ST3GAL3: variants seen among roughly 807,000 people sequenced by gnomAD.
The protein encoded by ST3GAL3 is CMP-N-acetylneuraminate-beta-1,4-galactoside alpha-2,3-sialyltransferase.
ST3GAL3 carries 21 observed loss-of-function variants against 50.1 expected under a neutral mutation model. That is an observed-to-expected ratio of 0.42 (90% CI 0.30 to 0.60). The LOEUF (loss-of-function observed/expected upper bound fraction) is 0.60, where lower values mean the gene tolerates loss of function less well. Ranked by LOEUF, ST3GAL3 falls within the 20% of genes least tolerant of loss-of-function variation. ST3GAL3 has a pLI of 0.19. For missense variants in ST3GAL3, 353 were observed against 489.4 expected (o/e 0.72, Z 2.63); for synonymous variants, 183 against 190.0 (o/e 0.96, Z 0.30).
intron 1 of ST3GAL3, among the ~76,000 whole-genome samples, chr1:43,726,583 G>A (rs1303601378): frequency 6.6e-6 from 1 of 151,724 alleles, no homozygotes; most frequent in Non-Finnish European, 1.5e-5. Flanking sequence ...TACTGTGCCT[G>A]GCCTATATCC....
chr1:43,708,481 T>G (rs1412349816), intron 1 of ST3GAL3, among the ~76,000 whole-genome samples: 1 of 152,132 alleles, frequency 6.6e-6, no homozygotes, highest in African/African-American at 2.4e-5. Flanking sequence ...TAGCTGGACA[T>G]TAAGGTAGGA....
intron 2 of ST3GAL3, among the ~76,000 whole-genome samples, chr1:43,766,992 T>G (rs1018432546): frequency 6.6e-5 from 10 of 152,154 alleles, no homozygotes; most frequent in African/African-American, 2.4e-4. Flanking sequence ...TTGTGTGGAA[T>G]GCAGAGTTTG....
intron 4 of ST3GAL3, chr1:43,824,690 T>C: frequency 1.2e-6 from 2 of 1,613,242 alleles, no homozygotes; most frequent in African/African-American, 1.3e-5. Flanking sequence ...CATCTTGAGC[T>C]ATGTGATCAA....
rs2084869989 is a variant in ST3GAL3 at position 43,930,430 on chromosome 1, A to G, written c.*209A>G. 8.1e-6 allele frequency: 5 copies of G among 620,282 alleles called. No homozygotes were observed. Among genetic ancestry groups the G allele is most frequent in the Non-Finnish European group, 1.5e-5 (5 of 343,848 alleles). The allele number at this position is 620,282 out of a possible 1,614,324, so 38.4% of individuals were successfully genotyped here. ...TCATTCAGCATGGGTCCTTGATGCCAGAGGGCCAGCAGGCTCCTGGCTGTG... is the reference window on the plus strand; with the variant it reads ...TCATTCAGCATGGGTCCTTGATGCCGGAGGGCCAGCAGGCTCCTGGCTGTG... On this transcript the variant is annotated 3_prime_UTR_variant, in exon 12 of 12. Coordinates refer to ENST00000347631, the MANE Select transcript of ST3GAL3 (RefSeq NM_006279.5).
chr1:43,850,707 T>C (rs1306634337), intron 5 of ST3GAL3: 1 of 735,748 alleles, frequency 1.4e-6, no homozygotes, highest in Non-Finnish European at 2.5e-6. Flanking sequence ...TGTGACTGTT[T>C]GGTAGCCCAG....
intron 5 of ST3GAL3, among the ~76,000 whole-genome samples, chr1:43,857,067 GCTAA>G (rs1386606810): frequency 2.0e-5 from 3 of 152,090 alleles, no homozygotes; most frequent in African/African-American, 2.4e-5. Context: ...GCCTCAACCT[GCTAA>G]CTGTTTCTGA....
intron 5 of ST3GAL3, among the ~76,000 whole-genome samples, chr1:43,865,721 G>A (rs1044745189): frequency 2.0e-5 from 3 of 152,182 alleles, no homozygotes; most frequent in Non-Finnish European, 1.5e-5. Flanking sequence ...TAGATCACTG[G>A]GCTTTACTCC....
chr1:43,746,030 G>A (rs1366965156), intron 2 of ST3GAL3, among the ~76,000 whole-genome samples: 3 of 152,198 alleles, frequency 2.0e-5, no homozygotes, highest in Admixed American at 6.5e-5. Flanking sequence ...GCACAATGAC[G>A]AAATTGCCTA....
intron 5 of ST3GAL3, among the ~76,000 whole-genome samples, chr1:43,871,138 G>A (rs557945254): frequency 1.3e-5 from 2 of 152,314 alleles, no homozygotes; most frequent in South Asian, 2.1e-4. Flanking sequence ...GCCATGGCCC[G>A]AATGAGCAGC....
At chr1:43,800,772 G>T (rs1218139936) in intron 3 of ST3GAL3, among the ~76,000 whole-genome samples, 5 of 152,152 alleles carry the variant, frequency 3.3e-5, no homozygotes, top group Admixed American at 3.3e-4. Context: ...ATAAATAGTA[G>T]TTCCTCTCAG....
intron 5 of ST3GAL3, chr1:43,879,633 C>A: frequency 3.0e-6 from 1 of 330,954 alleles, no homozygotes; most frequent in South Asian, 2.4e-5. Context: ...ATCCAGTTGG[C>A]AAGAGAGAGA....
intron 11 of ST3GAL3, among the ~76,000 whole-genome samples, chr1:43,924,628 T>C (rs1375690545): frequency 1.3e-5 from 2 of 151,926 alleles, no homozygotes; most frequent in African/African-American, 2.4e-5. Flanking sequence ...TAGTTGGGAG[T>C]TGCTGCACTT....
At position 43,838,259 on chromosome 1, in the gene ST3GAL3, G is replaced by A. The variant is rs1424769358; in HGVS notation, c.250G>A (p.Gly84Arg). The A allele has an allele frequency of 1.2e-6, 2 of 1,613,844 alleles. No homozygotes were observed. Among genetic ancestry groups the A allele is most frequent in the African/African-American group, 2.7e-5 (2 of 74,878 alleles). Residue 84 changes from glycine (G) to arginine (R), a missense_variant, in exon 5 of 12, where the codon GGA becomes AGA. Transcript: ENST00000347631. ...CACCAAGTACGCAAACTTTTCAGAG[G>A]GAGCTTGCAAGCCTGGCTATGCTTC... ...LATKYANFSE[G>R]ACKPGYASAL...
At chr1:43,892,636 A>G (rs548643317) in intron 5 of ST3GAL3, among the ~76,000 whole-genome samples, 2 of 152,350 alleles carry the variant, frequency 1.3e-5, no homozygotes, top group Non-Finnish European at 1.5e-5. Flanking sequence ...CAATCATCTG[A>G]ATAAAAAGAA....
chr1:43,882,878 G>T (rs945667345), intron 5 of ST3GAL3, among the ~76,000 whole-genome samples: 1 of 152,230 alleles, frequency 6.6e-6, no homozygotes, highest in East Asian at 1.9e-4. Context: ...AGCCCCCAGC[G>T]TCCAAATATG....
chr1:43,865,650 A>G (rs2071151707), intron 5 of ST3GAL3, among the ~76,000 whole-genome samples: 2 of 152,190 alleles, frequency 1.3e-5, no homozygotes, highest in South Asian at 4.1e-4. Flanking sequence ...GGGTGCCACA[A>G]ATACACAGAA....
intron 7 of ST3GAL3, 34 bp downstream of exon 7, chr1:43,898,332 G>A (rs375132302): frequency 1.3e-4 from 215 of 1,608,148 alleles, no homozygotes; most frequent in Non-Finnish European, 1.7e-4. Flanking sequence ...CCTACCCACC[G>A]CTGCCTGGTG....
chr1:43,915,290 G>T (rs1339979638), intron 9 of ST3GAL3, among the ~76,000 whole-genome samples: 1 of 152,190 alleles, frequency 6.6e-6, no homozygotes, highest in African/African-American at 2.4e-5. Context: ...TGTCTGTGCT[G>T]TGCCACGCCC....
chr1:43,748,589 A>T (rs987832999), intron 2 of ST3GAL3, among the ~76,000 whole-genome samples: 4 of 151,256 alleles, frequency 2.6e-5, no homozygotes, highest in African/African-American at 7.3e-5. Context: ...CAGCCAATTT[A>T]AAAAAAAAAT....
Sources: gnomAD v4.1 joint callset for allele counts (sites outside exome capture counted in the v4.1 genomes callset) on GRCh38, gnomAD v4.1.1 for gene constraint, MANE v1.5 for transcripts, NCBI Gene and HGNC (gene_info 2026-07-23, HGNC 2026-07-21) for gene names.